SHISAL2A: variants seen among roughly 807,000 people sequenced by gnomAD.
SHISAL2A encodes the protein shisa like 2A.
In SHISAL2A, 18 loss-of-function variants were observed where a neutral mutation model predicts 11.5. The observed-to-expected ratio is 1.57, with a 90% CI of 1.08 to 2.33. SHISAL2A has a LOEUF of 2.33. Among genes scored for constraint, SHISAL2A ranks in the 30% most tolerant of loss-of-function variants. SHISAL2A has a pLI of 0.00. For missense variants in SHISAL2A, 261 were observed against 250.9 expected (o/e 1.04, Z -0.27); for synonymous variants, 94 against 99.6 (o/e 0.94, Z 0.34).
intron 2 of SHISAL2A, among the ~76,000 whole-genome samples, chr1:52,653,203 C>G (rs1691710175): frequency 6.8e-6 from 1 of 147,130 alleles, no homozygotes; most frequent in South Asian, 2.1e-4. Flanking sequence ...AATCCCTCCA[C>G]TTTGGGAGGC....
intron 2 of SHISAL2A, among the ~76,000 whole-genome samples, chr1:52,646,864 C>G (rs1316204806): frequency 1.3e-5 from 2 of 152,066 alleles, no homozygotes; most frequent in Non-Finnish European, 2.9e-5. Context: ...GAGTCTTGCT[C>G]TGTCGCCCAG....
downstream of SHISAL2A, among the ~76,000 whole-genome samples, chr1:52,657,982 T>A (rs1691827634): frequency 6.6e-6 from 1 of 152,214 alleles, no homozygotes; most frequent in Admixed American, 6.5e-5. Flanking sequence ...GCTGGGTTAT[T>A]GCAAGTGTTC....
intron 2 of SHISAL2A, among the ~76,000 whole-genome samples, chr1:52,650,199 A>G (rs1375559604): frequency 1.3e-5 from 2 of 152,198 alleles, no homozygotes; most frequent in African/African-American, 4.8e-5. Flanking sequence ...TCAGTCAGTG[A>G]TGAGTTTGTT....
Position 52,633,600 on chromosome 1 carries a change from T to A in SHISAL2A, c.107T>A (p.Phe36Tyr), listed in dbSNP as rs776007999. ...GEAAAVFCCG[F>Y]RDHKYCCDDP... is the part of the protein sequence containing the mutation. The stretch of plus-strand genomic sequence containing the variant: ...GCGGCCGCTGTCTTCTGCTGCGGCT[T>A]CCGCGACCACAAGTACTGCTGCGAC... The change falls in exon 1 of 3, where the codon TTC becomes TAC. Residue 36 changes from phenylalanine to tyrosine, a missense_variant. Phe to Tyr is a conservative substitution (Grantham distance 22). Coordinates refer to ENST00000517870, the MANE Select transcript of SHISAL2A (RefSeq NM_001042693.3). The surrounding 1 kb of genome is among the most constrained non-coding windows in gnomAD (Gnocchi z 6.4). 2.9e-5 allele frequency: 46 copies of A among 1,612,394 alleles called. 1 individual carries two copies. In the Middle Eastern group the frequency reaches 8.2e-4, roughly 29 times the overall value.
downstream of SHISAL2A, among the ~76,000 whole-genome samples, chr1:52,661,754 G>A (rs1231847189): frequency 3.3e-5 from 5 of 152,082 alleles, no homozygotes; most frequent in East Asian, 1.9e-4. Context: ...GAATACGGCC[G>A]GGCATGGTGG....
chr1:52,655,790 T>C (rs1197368356), intron 2 of SHISAL2A, among the ~76,000 whole-genome samples: 1 of 152,198 alleles, frequency 6.6e-6, no homozygotes, highest in Non-Finnish European at 1.5e-5. Flanking sequence ...TCAGAAAGAA[T>C]AGTACATAGA....
intron 2 of SHISAL2A, 27 bp downstream of exon 2, chr1:52,643,029 T>G (rs1351685983): frequency 6.2e-7 from 1 of 1,612,352 alleles, no homozygotes; most frequent in Admixed American, 1.7e-5. Context: ...GTGATGTCCT[T>G]GTATTCGGTA....
intron 1 of SHISAL2A, among the ~76,000 whole-genome samples, chr1:52,638,696 A>G (rs1053588872): frequency 6.6e-6 from 1 of 152,224 alleles, no homozygotes; most frequent in Non-Finnish European, 1.5e-5. Context: ...ACTGGAGCTT[A>G]AACTCTGCCA....
intron 2 of SHISAL2A, among the ~76,000 whole-genome samples, chr1:52,646,579 T>G (rs1332619436): frequency 6.6e-6 from 1 of 151,876 alleles, no homozygotes; most frequent in African/African-American, 2.4e-5. Flanking sequence ...CCCTACTTGC[T>G]AAAATTTACT....
downstream of SHISAL2A, among the ~76,000 whole-genome samples, chr1:52,659,029 G>A (rs1054346360): frequency 7.6e-6 from 1 of 131,950 alleles, no homozygotes; most frequent in Non-Finnish European, 1.6e-5. Flanking sequence ...TGTTGGTGGT[G>A]GTGGTGGTGG....
chr1:52,666,167 A>G (rs1692008361), intron 4 of SHISAL2A, among the ~76,000 whole-genome samples: 1 of 152,232 alleles, frequency 6.6e-6, no homozygotes, highest in African/African-American at 2.4e-5. Flanking sequence ...AATGCAGTGT[A>G]CCGGCTGGGA....
intron 2 of SHISAL2A, among the ~76,000 whole-genome samples, chr1:52,645,839 AAAAT>A (rs1407758663): frequency 6.6e-6 from 1 of 152,244 alleles, no homozygotes; most frequent in African/African-American, 2.4e-5. Context: ...CCTATACATA[AAAAT>A]AAATAAAAAT....
intron 1 of SHISAL2A, among the ~76,000 whole-genome samples, chr1:52,634,542 C>T (rs1691199510): frequency 6.6e-6 from 1 of 152,210 alleles, no homozygotes; most frequent in Admixed American, 6.5e-5. Context: ...CCTCAGTTTC[C>T]CCATTTGTTC....
In SHISAL2A at chr1:52,633,750, C is replaced by A; in HGVS notation, c.182+75C>A. ...GCCTTCACCCCAGCCTCAGCCCCCA[C>A]CCGAGTGTCCACCTGAACATCAGCA... On this transcript the variant is annotated intron_variant, in intron 1 of 2. Coordinates refer to ENST00000517870, the MANE Select transcript of SHISAL2A (RefSeq NM_001042693.3). This position sits in a 1 kb window ranked among gnomAD's most constrained non-coding sequence, Gnocchi z 6.4. 8.0e-7 allele frequency: 1 copy of A among 1,245,968 alleles called. No individual in the cohort carries two copies. The highest frequency in any genetic ancestry group is 1.1e-6 in the Non-Finnish European group (1 of 870,342). The allele number at this position is 1,245,968 out of a possible 1,614,324, so 77.2% of individuals were successfully genotyped here. A position where few individuals can be genotyped will look rare whatever the true frequency, so the allele number is the denominator to read the frequency against.
intron 1 of SHISAL2A, among the ~76,000 whole-genome samples, chr1:52,638,092 G>C (rs1205461018): frequency 2.0e-5 from 3 of 152,140 alleles, no homozygotes; most frequent in African/African-American, 7.2e-5. Flanking sequence ...TTTGGAGCCT[G>C]CCCTGTTGTT....
At chr1:52,660,319 G>A (rs1691878322), downstream of SHISAL2A, among the ~76,000 whole-genome samples, 1 of 151,922 alleles carries the variant, frequency 6.6e-6, no homozygotes, top group African/African-American at 2.4e-5. Context: ...GCCCCTCCCT[G>A]CCCCCCAACA....
chr1:52,655,569 T>G (rs1691774039), intron 2 of SHISAL2A, among the ~76,000 whole-genome samples: 1 of 151,130 alleles, frequency 6.6e-6, no homozygotes, highest in East Asian at 1.9e-4. Flanking sequence ...AAGGCTGTAG[T>G]GCGCCATGTT....
At chr1:52,669,302 C>T (rs933606252) in exon 6 of SHISAL2A, 1 of 151,796 alleles carries the variant, frequency 6.6e-6, no homozygotes, top group Non-Finnish European at 1.5e-5. Flanking sequence ...GGGCACTGAG[C>T]TAGGGAATGT....
chr1:52,660,444 C>T (rs1691881940), downstream of SHISAL2A, among the ~76,000 whole-genome samples: 1 of 152,156 alleles, frequency 6.6e-6, no homozygotes, highest in Non-Finnish European at 1.5e-5. Context: ...GCCCCTCCCC[C>T]AGGGCAGCCG....
Sources: allele counts gnomAD v4.1 joint callset (sites outside exome capture counted in the v4.1 genomes callset), GRCh38; gene constraint gnomAD v4.1.1; non-coding constraint Gnocchi (gnomAD v3.1); transcripts MANE v1.5; gene names NCBI Gene and HGNC (gene_info 2026-07-23, HGNC 2026-07-21).